Variants in PTPRJ observed in about 807,000 individuals in gnomAD.
PTPRJ encodes protein tyrosine phosphatase receptor type J.
A neutral mutation model predicts 141.3 loss-of-function variants in PTPRJ; 129 were observed. That is an observed-to-expected ratio of 0.91 (90% CI 0.79 to 1.06). The LOEUF (loss-of-function observed/expected upper bound fraction) is 1.06. Among genes scored for constraint, PTPRJ ranks in the 50% least tolerant of loss-of-function variants. PTPRJ has a pLI of 0.00. For synonymous variants in PTPRJ, 610 were observed against 640.5 expected, an observed-to-expected ratio of 0.95 and a Z score of 0.72; for missense variants, 1,601 against 1,679.7, an observed-to-expected ratio of 0.95 and a Z score of 0.82.
At chr11:47,989,610 A>G (rs75699329) in intron 1 of PTPRJ, among the ~76,000 whole-genome samples, 3,119 of 151,898 alleles carry the variant, frequency 0.021, 39 homozygotes, top group Non-Finnish European at 0.031. Flanking sequence ...CTCCCTGTTC[A>G]TTAAAAAAAA....
chr11:48,131,589 G>T (rs1441089048), intron 8 of PTPRJ: 1 of 755,524 alleles, frequency 1.3e-6, no homozygotes, highest in South Asian at 1.4e-5. Flanking sequence ...GCCAAATTTG[G>T]CTCATTGTCT....
chr11:48,126,574 C>T (rs142556904), intron 6 of PTPRJ, among the ~76,000 whole-genome samples: 1 of 152,158 alleles, frequency 6.6e-6, no homozygotes, highest in Admixed American at 6.5e-5. Context: ...AGGTTGCAGA[C>T]TCCCTGGGTC....
chr11:47,994,235 C>G (rs1590388942), intron 1 of PTPRJ, among the ~76,000 whole-genome samples: 1 of 151,870 alleles, frequency 6.6e-6, no homozygotes, highest in Non-Finnish European at 1.5e-5. Flanking sequence ...CTCCACTCAT[C>G]CAGGTTAACT....
chr11:48,078,063 CTT>C (rs1278824418), intron 1 of PTPRJ, among the ~76,000 whole-genome samples: 8 of 141,430 alleles, frequency 5.7e-5, no homozygotes, highest in Admixed American at 7.1e-5. Flanking sequence ...TTTTCTTTTT[CTT>C]TTTTTTTTTT....
intron 1 of PTPRJ, among the ~76,000 whole-genome samples, chr11:47,990,386 C>T (rs1026205161): frequency 2.0e-5 from 3 of 152,130 alleles, no homozygotes; most frequent in African/African-American, 7.2e-5. Context: ...TTGTAATTAT[C>T]AATAATTATG....
At position 48,166,628 on chromosome 11, in the gene PTPRJ, T is replaced by C. The variant is rs561423952; in HGVS notation, c.3856-576T>C. ...CCGCGCCTGGCCAGATCCTGTTTTA[T>C]GTATGTTGCTTCTCTGTGATTTTTT... On this transcript the variant is annotated intron_variant, in intron 24 of 24. Coordinates refer to ENST00000418331, the MANE Select transcript of PTPRJ (RefSeq NM_002843.4). 3.3e-5 allele frequency among the ~76,000 whole-genome samples: 5 copies of C among 152,328 alleles called. No individual in the cohort carries two copies. In the South Asian group the frequency reaches 1.0e-3, roughly 32 times the overall value.
chr11:48,093,072 T>C (rs1855912435), intron 1 of PTPRJ, among the ~76,000 whole-genome samples: 1 of 152,260 alleles, frequency 6.6e-6, no homozygotes, highest in African/African-American at 2.4e-5. Flanking sequence ...GTATTCCTGG[T>C]ATAAATCAAC....
chr11:47,981,798 A>G (rs543738188), intron 1 of PTPRJ, among the ~76,000 whole-genome samples: 1 of 152,032 alleles, frequency 6.6e-6, no homozygotes, highest in Admixed American at 6.6e-5. Context: ...CTGAAGGGGC[A>G]TTCCCATTTC....
rs766750114 is a variant in PTPRJ, at chr11:48,146,903, G to C, written c.2939G>C (p.Cys980Ser). ...PGVICGAVFGCIFGALVIVTV... is the reference protein window; with the variant it reads ...PGVICGAVFGSIFGALVIVTV... ...GTCATCTGTGGAGCGGTTTTTGGCT[G>C]TATCTTTGGTGCCCTGGTTATTGTG... The change falls in exon 15 of 25, where the codon TGT (cysteine) becomes TCT (serine). Residue 980 changes from cysteine (C) to serine (S), a missense_variant. Cys to Ser is a moderately radical substitution (Grantham distance 112). Transcript: ENST00000418331. The C allele has an allele frequency of 5.0e-6, 8 of 1,614,104 alleles. No homozygotes were observed. Among genetic ancestry groups the C allele is most frequent in the Non-Finnish European group, 6.8e-6 (8 of 1,180,014 alleles).
chr11:48,126,651 T>C (rs924137998), intron 6 of PTPRJ, among the ~76,000 whole-genome samples: 1 of 151,776 alleles, frequency 6.6e-6, no homozygotes, highest in African/African-American at 2.4e-5. Context: ...ACTAATACCA[T>C]TCAGGAGGGA....
At chr11:48,112,623 G>T in intron 2 of PTPRJ, 124 bp from the exon 3 acceptor site, 2 of 733,396 alleles carry the variant, frequency 2.7e-6, no homozygotes, top group South Asian at 1.8e-5. Flanking sequence ...ACAAAGAAGA[G>T]AAAGAGAGGG....
chr11:48,150,026 A>C, intron 17 of PTPRJ, 28 bp downstream of exon 17: 1 of 1,512,960 alleles, frequency 6.6e-7, no homozygotes. Context: ...TTTTTTTAAT[A>C]ACTTGTACTT....
intron 1 of PTPRJ, among the ~76,000 whole-genome samples, chr11:48,050,114 G>A (rs1023261361): frequency 3.3e-5 from 5 of 152,156 alleles, no homozygotes; most frequent in South Asian, 2.1e-4. Context: ...TTCAGGTTTC[G>A]TAGCCTCTTC....
chr11:47,995,765 C>T (rs932901814), intron 1 of PTPRJ, among the ~76,000 whole-genome samples: 2 of 152,136 alleles, frequency 1.3e-5, no homozygotes, highest in Non-Finnish European at 1.5e-5. Flanking sequence ...GGGGGTCAGG[C>T]GTGGTGGCTC....
intron 15 of PTPRJ, among the ~76,000 whole-genome samples, chr11:48,148,516 C>A (rs1857404672): frequency 6.6e-6 from 1 of 151,984 alleles, no homozygotes; most frequent in African/African-American, 2.4e-5. Context: ...TGGCTCACTG[C>A]AACCTCTGCC....
intron 1 of PTPRJ, among the ~76,000 whole-genome samples, chr11:48,026,035 G>T (rs772445565): frequency 6.6e-5 from 10 of 152,236 alleles, no homozygotes; most frequent in Non-Finnish European, 1.3e-4. Context: ...CTACCCTCCC[G>T]ACTCTGTAAA....
chr11:48,155,941 T>C, intron 20 of PTPRJ, 44 bp from the exon 21 acceptor site: 1 of 1,601,508 alleles, frequency 6.2e-7, no homozygotes. Flanking sequence ...CTTTGCTTCT[T>C]TCTGTTTCTT....
At chr11:48,164,940 C>G (rs1857884296) in intron 24 of PTPRJ, among the ~76,000 whole-genome samples, 1 of 152,090 alleles carries the variant, frequency 6.6e-6, no homozygotes, top group African/African-American at 2.4e-5. Context: ...CAGATCTTTC[C>G]AGCTCTTGGC....
At chr11:48,153,317 G>A (rs1031450673) in intron 18 of PTPRJ, among the ~76,000 whole-genome samples, 2 of 151,856 alleles carry the variant, frequency 1.3e-5, no homozygotes, top group Non-Finnish European at 2.9e-5. Context: ...GGTGGATCAC[G>A]AGGTCAGGAG....
Sources: gnomAD v4.1 joint callset for allele counts (sites outside exome capture counted in the v4.1 genomes callset) on GRCh38, gnomAD v4.1.1 for gene constraint, MANE v1.5 for transcripts, NCBI Gene and HGNC (gene_info 2026-07-23, HGNC 2026-07-21) for gene names.